ADCY7: variants seen among roughly 807,000 people sequenced by gnomAD.
ADCY7 encodes the protein adenylate cyclase 7, also known as adenylate cyclase type 7.
Under a neutral mutation model 120.6 loss-of-function variants are expected in ADCY7, and 72 were observed. The ratio of observed to expected loss-of-function variants is 0.60; its 90% CI spans 0.49 to 0.73. ADCY7 has a LOEUF of 0.73. ADCY7 is among the 30% of genes least tolerant of loss of function. The pLI is 0.00. For synonymous variants in ADCY7, 661 were observed against 628.0 expected, an observed-to-expected ratio of 1.05 and a Z score of -0.78; for missense variants, 1,227 against 1,486.0, an observed-to-expected ratio of 0.83 and a Z score of 2.87.
Position 50,312,054 on chromosome 16 carries a change from T to C in ADCY7, c.2467T>C (p.Leu823=), listed in dbSNP as rs2036517031. ...TTTGCAGATTGACTATTACTGCCGCTTGGACTGCCTATGGAAGAAGAAGTT... is the reference window on the plus strand; with the variant it reads ...TTTGCAGATTGACTATTACTGCCGCCTGGACTGCCTATGGAAGAAGAAGTT... ...LSRQIDYYCR[L]DCLWKKKFKK... The change falls in exon 21 of 26, where the codon TTG becomes CTG. Residue 823 remains leucine (L), a synonymous_variant. Coordinates refer to ENST00000673801, the MANE Select transcript of ADCY7 (RefSeq NM_001114.5). 2 of 1,614,240 alleles carry C rather than the reference T, an allele frequency of 1.2e-6. No homozygotes were observed. The highest frequency in any genetic ancestry group is 1.7e-6 in the Non-Finnish European group (2 of 1,180,050).
chr16:50,295,829 T>C (rs2035316475), intron 7 of ADCY7, among the ~76,000 whole-genome samples: 1 of 152,150 alleles, frequency 6.6e-6, no homozygotes, highest in African/African-American at 2.4e-5. Flanking sequence ...GCCTTGGGCC[T>C]ACATGGTATG....
intron 1 of ADCY7, among the ~76,000 whole-genome samples, chr16:50,261,464 G>A (rs2033055578): frequency 6.6e-6 from 1 of 152,200 alleles, no homozygotes; most frequent in Non-Finnish European, 1.5e-5. Context: ...GAGGAGGCAG[G>A]ACTTGCCTCT....
intron 1 of ADCY7, among the ~76,000 whole-genome samples, chr16:50,260,189 G>A (rs542738831): frequency 1.3e-5 from 2 of 152,346 alleles, no homozygotes; most frequent in South Asian, 4.1e-4. Flanking sequence ...GAGTATCTGG[G>A]TACAGGTCAA....
chr16:50,311,951 G>C (rs978941100), intron 20 of ADCY7, 85 bp from the exon 21 acceptor site: 35 of 1,578,134 alleles, frequency 2.2e-5, no homozygotes, highest in Non-Finnish European at 3.0e-5. Context: ...GGACGCCAGG[G>C]ACAGACAGAC....
At chr16:50,296,340 A>G (rs2035348649) in intron 7 of ADCY7, among the ~76,000 whole-genome samples, 1 of 149,876 alleles carries the variant, frequency 6.7e-6, no homozygotes. Flanking sequence ...GGCATGCACC[A>G]TCATGCCCTG....
At chr16:50,305,718 T>G in intron 13 of ADCY7, 59 bp from the exon 14 acceptor site, 2 of 1,528,156 alleles carry the variant, frequency 1.3e-6, no homozygotes, top group Non-Finnish European at 1.8e-6. Flanking sequence ...TGCTGCCACC[T>G]CCTGAGGGAA....
chr16:50,313,244 CTG>C (rs1246206918), intron 22 of ADCY7: 1 of 512,408 alleles, frequency 2.0e-6, no homozygotes, highest in African/African-American at 2.0e-5. Flanking sequence ...TGGCGAAACC[CTG>C]TCTCTACTGA....
chr16:50,272,321 G>GGCTCTTCCTGCCCTCCAGGGT (rs1396613072), intron 1 of ADCY7, among the ~76,000 whole-genome samples: 2 of 152,196 alleles, frequency 1.3e-5, no homozygotes, highest in African/African-American at 4.8e-5. Context: ...CCAGGCCCCA[G>GGCTCTTCCTGCCCTCCAGGGT]GCTCTTCCTG....
upstream of ADCY7, among the ~76,000 whole-genome samples, chr16:50,244,883 C>T (rs1337954810): frequency 6.6e-6 from 1 of 152,106 alleles, no homozygotes; most frequent in Non-Finnish European, 1.5e-5. Flanking sequence ...GCTGCACGAG[C>T]CCAGAGGAGC....
At chr16:50,303,194 C>T (rs750277706) in intron 10 of ADCY7, among the ~76,000 whole-genome samples, 2 of 152,150 alleles carry the variant, frequency 1.3e-5, no homozygotes, top group Non-Finnish European at 2.9e-5. Flanking sequence ...GACAGAGAAA[C>T]GCATCCACCC....
chr16:50,270,537 C>T (rs1344607069), intron 1 of ADCY7, among the ~76,000 whole-genome samples: 1 of 152,198 alleles, frequency 6.6e-6, no homozygotes, highest in Non-Finnish European at 1.5e-5. Flanking sequence ...GATGCACACT[C>T]TGCTCCTGGC....
chr16:50,315,518 G>A lies in ADCY7; in HGVS notation c.*13G>A. 1.3e-6 allele frequency: 2 copies of A among 1,599,656 alleles called. No homozygotes were observed. Among genetic ancestry groups the A allele is most frequent in the Non-Finnish European group, 1.7e-6 (2 of 1,167,876 alleles). On this transcript the variant is annotated 3_prime_UTR_variant, in exon 26 of 26. Transcript: ENST00000673801. ...GGGGCTGAACTGAGGGCTCCTGCTG[G>A]ATTCCGAAAAGGCCGGGAAGCCAGT...
chr16:50,270,736 T>C (rs376553784), intron 1 of ADCY7, among the ~76,000 whole-genome samples: 166 of 152,306 alleles, frequency 1.1e-3, no homozygotes, highest in African/African-American at 3.9e-3. Context: ...TTCTTTCTGT[T>C]CCTCAGTTTC....
chr16:50,308,531 AT>A, intron 16 of ADCY7, 120 bp downstream of exon 16: 2 of 1,560,624 alleles, frequency 1.3e-6, no homozygotes, highest in Non-Finnish European at 8.7e-7. Flanking sequence ...TTGGGTGCCC[AT>A]CTCTCCTGCC....
At chr16:50,244,759 G>C (rs2032533106), upstream of ADCY7, among the ~76,000 whole-genome samples, 1 of 152,222 alleles carries the variant, frequency 6.6e-6, no homozygotes, top group Non-Finnish European at 1.5e-5. Context: ...ATCTTCCCGG[G>C]TGAGCCCTCA....
chr16:50,315,625 C>G lies in ADCY7; in HGVS notation c.*120C>G. 2.3e-6 allele frequency: 3 copies of G among 1,278,544 alleles called. No homozygotes were observed. Among genetic ancestry groups the G allele is most frequent in the Non-Finnish European group, 3.2e-6 (3 of 927,548 alleles). 79.2% of individuals were successfully genotyped at this position (1,278,544 alleles called of 1,614,324 possible). On this transcript the variant is annotated 3_prime_UTR_variant, in exon 26 of 26. Coordinates refer to ENST00000673801, the MANE Select transcript of ADCY7 (RefSeq NM_001114.5). ...GCATGCAGATGGCTGTGCATGTTGG[C>G]TTCTTTGGACCTGCACTGGAGGATT... is the stretch of plus-strand genomic sequence containing the variant.
Position 50,318,015 on chromosome 16 carries a change from A to G in ADCY7, c.*2510A>G, listed in dbSNP as rs1290152967. On this transcript the variant is annotated 3_prime_UTR_variant, in exon 26 of 26. Transcript: ENST00000673801. ...TGGTGCATGCAAGTAACTAGGGTTT[A>G]TTCTATATAATGAATATTTATAGAT... 1 of 152,384 alleles carries G rather than the reference A, an allele frequency of 6.6e-6. No individual in the cohort carries two copies. The highest frequency in any genetic ancestry group is 1.5e-5 in the Non-Finnish European group (1 of 68,044). The allele number at this position is 152,384 out of a possible 1,614,324, so 9.4% of individuals were successfully genotyped here. A position where few individuals can be genotyped will look rare whatever the true frequency, so the allele number is the denominator to read the frequency against.
At chr16:50,254,245 C>T (rs886626290) in intron 1 of ADCY7, among the ~76,000 whole-genome samples, 19 of 152,288 alleles carry the variant, frequency 1.2e-4, no homozygotes, top group Non-Finnish European at 1.6e-4. Flanking sequence ...CGCCACTCCA[C>T]GCACCCCTGC....
At position 50,297,428 on chromosome 16, in the gene ADCY7, G is replaced by A. The variant is rs900115248; in HGVS notation, c.949-1476G>A. 2.6e-5 allele frequency among the ~76,000 whole-genome samples: 4 copies of A among 152,186 alleles called. No individual in the cohort carries two copies. Among genetic ancestry groups the A allele is most frequent in the Non-Finnish European group, 5.9e-5 (4 of 68,022 alleles). On this transcript the variant is annotated intron_variant, in intron 7 of 25. Transcript: ENST00000673801. This position sits in a 1 kb window ranked among gnomAD's most constrained non-coding sequence, Gnocchi z 4.4. ...CCATGGGCAGTCCTGTGCCTGGTCC[G>A]AGAGGAGATCAGGGTAGCTGGAGCC...
Sources: allele counts gnomAD v4.1 joint callset (sites outside exome capture counted in the v4.1 genomes callset), GRCh38; gene constraint gnomAD v4.1.1; non-coding constraint Gnocchi (gnomAD v3.1); transcripts MANE v1.5; gene names NCBI Gene and HGNC (gene_info 2026-07-23, HGNC 2026-07-21).